Variants in ACOT11 observed in about 807,000 individuals in gnomAD.
ACOT11 encodes the protein acyl-CoA thioesterase 11.
In ACOT11, 69 loss-of-function variants were observed where a neutral mutation model predicts 77.5. The observed-to-expected ratio is 0.89, with a 90% CI of 0.73 to 1.09. The LOEUF is 1.09. Ranked by LOEUF, ACOT11 falls within the 50% of genes least tolerant of loss-of-function variation. The pLI is 0.00. For synonymous variants in ACOT11, 279 were observed against 313.0 expected (o/e 0.89, Z 1.15); for missense variants, 766 against 813.7 (o/e 0.94, Z 0.71).
intron 1 of ACOT11, among the ~76,000 whole-genome samples, chr1:54,567,598 C>A (rs1653779958): frequency 6.6e-6 from 1 of 151,884 alleles, no homozygotes; most frequent in Non-Finnish European, 1.5e-5. Context: ...TAATTTTTAT[C>A]CTGCCTACCA....
In ACOT11 at chr1:54,594,049, T is replaced by G. The variant is rs1341890862; in HGVS notation, c.471+10T>G. 1 of 1,611,132 alleles carries G rather than the reference T, an allele frequency of 6.2e-7. No individual in the cohort carries two copies. On this transcript the variant is annotated intron_variant, in intron 5 of 15. Coordinates refer to ENST00000343744, the MANE Select transcript of ACOT11 (RefSeq NM_147161.4). Reference sequence around the variant, plus strand: ...CCGAGAGATCACCAAGGTAACTGGGTGCGCCTGGCTGCTGGAACGCTGCTC... The same window carrying G: ...CCGAGAGATCACCAAGGTAACTGGGGGCGCCTGGCTGCTGGAACGCTGCTC...
chr1:54,554,892 T>C (rs1653207433), intron 1 of ACOT11, among the ~76,000 whole-genome samples: 2 of 152,240 alleles, frequency 1.3e-5, no homozygotes, highest in Admixed American at 1.3e-4. Context: ...TACATTCCCA[T>C]GAACAGTGTC....
intron 1 of ACOT11, among the ~76,000 whole-genome samples, chr1:54,551,449 C>T (rs954189639): frequency 2.0e-5 from 3 of 152,180 alleles, no homozygotes; most frequent in African/African-American, 7.2e-5. Context: ...CGGGAAAGGT[C>T]TCCCTGTCCC....
At chr1:54,572,394 ACAGGCAG>A (rs1653955586) in intron 1 of ACOT11, among the ~76,000 whole-genome samples, 2 of 152,066 alleles carry the variant, frequency 1.3e-5, no homozygotes, top group Non-Finnish European at 2.9e-5. Context: ...CAGAGGCAGC[ACAGGCAG>A]CAGCCTTGGC....
rs892546485 is a variant in ACOT11, at chr1:54,553,007, A to T, written c.33+4665A>T. 5.0e-4 allele frequency among the ~76,000 whole-genome samples: 75 copies of T among 150,442 alleles called. 1 individual carries two copies. The highest frequency in any genetic ancestry group is 1.5e-4 in the Non-Finnish European group (10 of 67,710). ...CATGCCTGGCTAATTTTGCATTTTT[A>T]GTAGAGATGGGGTTTCTCCATGTTG... is the stretch of plus-strand genomic sequence containing the variant. On this transcript the variant is annotated intron_variant, in intron 1 of 15. Transcript: ENST00000343744.
At chr1:54,580,464 C>G (rs1654266510) in intron 1 of ACOT11, among the ~76,000 whole-genome samples, 1 of 152,214 alleles carries the variant, frequency 6.6e-6, no homozygotes, top group African/African-American at 2.4e-5. Flanking sequence ...GTATGTAGAG[C>G]ATTTTCCCAC....
At chr1:54,622,102 C>T (rs1273719992) in intron 15 of ACOT11, among the ~76,000 whole-genome samples, 5 of 148,340 alleles carry the variant, frequency 3.4e-5, no homozygotes, top group South Asian at 2.2e-4. Context: ...GGTGAAACCC[C>T]GTCTCTAGTA....
chr1:54,612,419 G>GGAAGCTGTGGGGAGAC, downstream of ACOT11: 1 of 1,187,922 alleles, frequency 8.4e-7, no homozygotes, highest in Middle Eastern at 2.0e-4. Context: ...CCAGCCATGA[G>GGAAGCTGTGGGGAGAC]CTTCTGGGAT....
At chr1:54,597,971 T>A (rs1643911133) in intron 7 of ACOT11, 4 of 154,324 alleles carry the variant, frequency 2.6e-5, no homozygotes, top group Admixed American at 2.5e-4. Flanking sequence ...GGGTATTTTT[T>A]ATAGTTATGG....
intron 8 of ACOT11, 23 bp downstream of exon 8, chr1:54,599,438 G>C (rs1431039120): frequency 1.3e-6 from 2 of 1,587,186 alleles, no homozygotes; most frequent in African/African-American, 2.7e-5. Flanking sequence ...GATGGGTGCG[G>C]CCACGTCCAT....
intron 8 of ACOT11, 36 bp from the exon 9 acceptor site, chr1:54,601,233 T>A: frequency 1.3e-6 from 2 of 1,595,740 alleles, no homozygotes; most frequent in Non-Finnish European, 1.7e-6. Context: ...CTTGGGAAGG[T>A]CTGTCCAGGT....
chr1:54,614,793 G>C, downstream of ACOT11: 1 of 1,614,162 alleles, frequency 6.2e-7, no homozygotes, highest in Middle Eastern at 1.6e-4. Context: ...GCCTTCCTCT[G>C]TCAGCTGCCG....
chr1:54,585,214 G>A (rs940629645), intron 2 of ACOT11, among the ~76,000 whole-genome samples: 9 of 152,274 alleles, frequency 5.9e-5, no homozygotes, highest in African/African-American at 1.7e-4. Context: ...GTTGAGGTGC[G>A]CTGGACTGAG....
At chr1:54,597,182 G>A in intron 6 of ACOT11, 77 bp from the exon 7 acceptor site, 2 of 1,577,290 alleles carry the variant, frequency 1.3e-6, no homozygotes, top group Middle Eastern at 3.6e-4. Context: ...GGGGTCCCAG[G>A]GCTGCCTGTG....
intron 16 of ACOT11, among the ~76,000 whole-genome samples, chr1:54,631,661 C>T (rs1363753126): frequency 6.6e-6 from 1 of 152,114 alleles, no homozygotes; most frequent in East Asian, 1.9e-4. Flanking sequence ...CAGCTTAGAG[C>T]AGTGTGCATT....
chr1:54,584,856 C>G lies in ACOT11; in HGVS notation c.235C>G (p.Leu79Val). ...CAAGTGGATTGACACCACGGCTTGC[C>G]TGTCCGGTAAGGCTGCGCTCCCCAT... ...LLKWIDTTACLSAERHAGCPC... is the reference protein window; with the variant it reads ...LLKWIDTTACVSAERHAGCPC... Residue 79 changes from leucine (L) to valine (V), a missense_variant, in exon 2 of 16, where the codon CTG becomes GTG. Coordinates refer to ENST00000343744, the MANE Select transcript of ACOT11 (RefSeq NM_147161.4). The surrounding 1 kb of genome is among the most constrained non-coding windows in gnomAD (Gnocchi z 6.3). 6.2e-7 allele frequency: 1 copy of G among 1,612,718 alleles called. No individual in the cohort carries two copies. The highest frequency in any genetic ancestry group is 8.5e-7 in the Non-Finnish European group (1 of 1,179,458).
chr1:54,610,480 C>G, downstream of ACOT11: 2 of 1,501,740 alleles, frequency 1.3e-6, no homozygotes, highest in South Asian at 2.2e-5. Context: ...CACATTCAGA[C>G]CGTCATCCCC....
chr1:54,585,828 A>C lies in ACOT11; in HGVS notation c.242-7A>C. On this transcript the variant is annotated splice_polypyrimidine_tract_variant and splice_region_variant and intron_variant, in intron 2 of 15. Transcript: ENST00000343744. ...GCTAATGTCTGGCTTTCTTCTGCTG[A>C]CACCAGCGGAGAGGCACGCTGGCTG... 6.2e-7 allele frequency: 1 copy of C among 1,613,924 alleles called. No homozygotes were observed. Among genetic ancestry groups the C allele is most frequent in the Non-Finnish European group, 8.5e-7 (1 of 1,179,926 alleles).
At position 54,609,419 on chromosome 1, in the gene ACOT11, G is replaced by A. The variant is rs1204929223; in HGVS notation, c.*307G>A. ...AGCTGGGTTGTGCTCCACTGTGACG[G>A]TGGCCCGGGGGGAGGATGCCAGCAG... On this transcript the variant is annotated 3_prime_UTR_variant, in exon 16 of 16. Coordinates refer to ENST00000343744, the MANE Select transcript of ACOT11 (RefSeq NM_147161.4). The A allele has an allele frequency of 2.5e-6, 4 of 1,613,934 alleles. No homozygotes were observed. In the South Asian group the frequency reaches 4.4e-5, roughly 18 times the overall value.
Sources: gnomAD v4.1 joint callset for allele counts (sites outside exome capture counted in the v4.1 genomes callset) on GRCh38, gnomAD v4.1.1 for gene constraint, Gnocchi (gnomAD v3.1) non-coding constraint, MANE v1.5 for transcripts, NCBI Gene and HGNC (gene_info 2026-07-23, HGNC 2026-07-21) for gene names.